SMCHD1: variants seen among roughly 807,000 people sequenced by gnomAD.
The protein encoded by SMCHD1 is structural maintenance of chromosomes flexible hinge domain-containing protein 1.
A neutral mutation model predicts 254.7 loss-of-function variants in SMCHD1; 78 were observed. That is an observed-to-expected ratio of 0.31 (90% confidence interval 0.26 to 0.37). The LOEUF (loss-of-function observed/expected upper bound fraction) is 0.37, where lower values mean the gene tolerates loss of function less well. Among genes scored for constraint, SMCHD1 ranks in the 10% least tolerant of loss-of-function variants. The pLI, the probability that SMCHD1 is intolerant of heterozygous loss-of-function variation, is 1.00. For missense variants in SMCHD1, 1,840 were observed against 2,408.1 expected (o/e 0.76, Z 4.94); for synonymous variants, 766 against 794.9 (o/e 0.96, Z 0.61).
At chr18:2,715,664 A>G (rs1437700530) in intron 17 of SMCHD1, among the ~76,000 whole-genome samples, 7 of 152,116 alleles carry the variant, frequency 4.6e-5, no homozygotes, top group Admixed American at 3.9e-4. Context: ...ACCATCCTGG[A>G]CAACACAGTG....
intron 17 of SMCHD1, among the ~76,000 whole-genome samples, chr18:2,715,256 T>G (rs1006171501): frequency 6.6e-6 from 1 of 152,152 alleles, no homozygotes; most frequent in Non-Finnish European, 1.5e-5. Context: ...GTTTGGCTGT[T>G]TTACATTGAC....
intron 34 of SMCHD1, among the ~76,000 whole-genome samples, chr18:2,755,153 C>T (rs1463504697): frequency 6.6e-6 from 1 of 152,094 alleles, no homozygotes; most frequent in African/African-American, 2.4e-5. Context: ...CTCCCAGGCT[C>T]AAGCAATCTT....
intron 14 of SMCHD1, 32 bp downstream of exon 14, chr18:2,705,839 G>A: frequency 7.7e-7 from 1 of 1,300,502 alleles, no homozygotes; most frequent in Non-Finnish European, 1.1e-6. Flanking sequence ...CATACTGAAA[G>A]TTTCTTGATA....
At chr18:2,729,530 T>G (rs2075094457) in intron 24 of SMCHD1, 121 bp downstream of exon 24, 2 of 656,510 alleles carry the variant, frequency 3.0e-6, no homozygotes, top group Admixed American at 3.7e-5. Flanking sequence ...TGTGGTTCTT[T>G]CAGCCAAAGC....
chr18:2,662,686 A>G (rs2073324031), intron 1 of SMCHD1, among the ~76,000 whole-genome samples: 1 of 150,772 alleles, frequency 6.6e-6, no homozygotes, highest in Non-Finnish European at 1.5e-5. Context: ...AAAAAAAAAA[A>G]AAAAGGGACA....
intron 44 of SMCHD1, among the ~76,000 whole-genome samples, chr18:2,780,393 A>G (rs1482082558): frequency 6.6e-6 from 1 of 152,184 alleles, no homozygotes; most frequent in Non-Finnish European, 1.5e-5. Flanking sequence ...TATTAAGTAT[A>G]ATACACTGTA....
chr18:2,796,780 A>T, intron 47 of SMCHD1: 1 of 378,572 alleles, frequency 2.6e-6, no homozygotes, highest in Admixed American at 4.7e-5. Flanking sequence ...ATGGGGTTTC[A>T]CTGTGTTGGC....
intron 5 of SMCHD1, among the ~76,000 whole-genome samples, chr18:2,676,119 A>G (rs1201132600): frequency 6.6e-6 from 1 of 152,112 alleles, no homozygotes; most frequent in African/African-American, 2.4e-5. Context: ...GGATACAAGG[A>G]TGGATGTCAT....
intron 44 of SMCHD1, among the ~76,000 whole-genome samples, chr18:2,783,580 CT>C (rs538168484): frequency 2.1e-4 from 31 of 147,388 alleles, no homozygotes; most frequent in Middle Eastern, 3.5e-3. Flanking sequence ...GAATTTCTTT[CT>C]TTTTTTTTTT....
chr18:2,774,207 T>C (rs2076029575), intron 41 of SMCHD1, among the ~76,000 whole-genome samples: 1 of 152,176 alleles, frequency 6.6e-6, no homozygotes, highest in Admixed American at 6.5e-5. Flanking sequence ...ATGGTATTTC[T>C]TTTACAAAAC....
chr18:2,758,536 T>C (rs749720367), intron 34 of SMCHD1, among the ~76,000 whole-genome samples: 7 of 152,228 alleles, frequency 4.6e-5, no homozygotes, highest in Non-Finnish European at 8.8e-5. Flanking sequence ...TGTTAATCTT[T>C]AACTCAAGGC....
intron 10 of SMCHD1, among the ~76,000 whole-genome samples, chr18:2,699,775 G>T (rs1003914166): frequency 6.6e-6 from 1 of 152,228 alleles, no homozygotes; most frequent in African/African-American, 2.4e-5. Flanking sequence ...TCCTCTAAGA[G>T]CAAAGTGATT....
intron 34 of SMCHD1, among the ~76,000 whole-genome samples, chr18:2,753,364 TTC>T (rs1568312613): frequency 6.6e-6 from 1 of 152,232 alleles, no homozygotes; most frequent in East Asian, 1.9e-4. Context: ...CTATTTTCCA[TTC>T]TGTTAATGGC....
At chr18:2,753,270 T>C (rs898989918) in intron 34 of SMCHD1, 7 of 152,278 alleles carry the variant, frequency 4.6e-5, no homozygotes, top group African/African-American at 1.2e-4. Context: ...CTTCTTTCAC[T>C]CAGCATCATG....
chr18:2,706,707 T>A (rs2074522990), intron 15 of SMCHD1: 1 of 374,856 alleles, frequency 2.7e-6, no homozygotes, highest in Middle Eastern at 7.2e-4. Context: ...GTCACTTTTA[T>A]AGGCACTATG....
In SMCHD1 at chr18:2,751,485, A is replaced by G. The variant is rs1282643058; in HGVS notation, c.4281+92A>G. On this transcript the variant is annotated intron_variant, in intron 33 of 47. Coordinates refer to ENST00000320876, the MANE Select transcript of SMCHD1 (RefSeq NM_015295.3). Reference sequence around the variant, plus strand: ...CTTTAATGTAAATATATAATGTTATATAAATTTGAGAAATGGAAGTGAATT... The same window carrying G: ...CTTTAATGTAAATATATAATGTTATGTAAATTTGAGAAATGGAAGTGAATT... 9 of 671,202 alleles carry G rather than the reference A, an allele frequency of 1.3e-5. No homozygotes were observed. In the East Asian group the frequency reaches 3.0e-4, roughly 22 times the overall value. The allele number at this position is 671,202 out of a possible 1,614,324, so 41.6% of individuals were successfully genotyped here. A position where few individuals can be genotyped will look rare whatever the true frequency, so the allele number is the denominator to read the frequency against.
intron 47 of SMCHD1, among the ~76,000 whole-genome samples, chr18:2,799,713 A>G (rs927112243): frequency 4.6e-5 from 7 of 152,124 alleles, no homozygotes; most frequent in African/African-American, 1.4e-4. Context: ...TGTTATTCCA[A>G]TTGTTACTAA....
chr18:2,693,622 T>TTTTGTTTG lies in SMCHD1; in HGVS notation c.874-881_874-874dup, dbSNP rs77752065. ...AACGCGCATGCGTGCATACCATGTT[T>TTTTGTTTG]TTTGTTTGTTTGTTTGTTTGTTTGT... On this transcript the variant is annotated intron_variant, in intron 7 of 47. Coordinates refer to ENST00000320876, the MANE Select transcript of SMCHD1 (RefSeq NM_015295.3). 2.8e-3 allele frequency among the ~76,000 whole-genome samples: 421 copies of TTTTGTTTG among 149,360 alleles called. 1 individual carries two copies. Among genetic ancestry groups the TTTTGTTTG allele is most frequent in the Non-Finnish European group, 3.4e-3 (231 of 67,856 alleles).
chr18:2,743,036 G>C (rs1315900024), intron 28 of SMCHD1, among the ~76,000 whole-genome samples: 3 of 152,158 alleles, frequency 2.0e-5, no homozygotes, highest in Non-Finnish European at 4.4e-5. Context: ...AAATTTTGAT[G>C]AAGTAGATTT....
Sources: allele counts gnomAD v4.1 joint callset (sites outside exome capture counted in the v4.1 genomes callset), GRCh38; gene constraint gnomAD v4.1.1; transcripts MANE v1.5; gene names NCBI Gene and HGNC (gene_info 2026-07-23, HGNC 2026-07-21).